TIGD7: variants seen among roughly 807,000 people sequenced by gnomAD.
TIGD7 encodes tigger transposable element derived 7.
A neutral mutation model predicts 24.8 loss-of-function variants in TIGD7; 26 were observed. The observed-to-expected ratio is 1.05, with a 90% CI of 0.77 to 1.45. The LOEUF (loss-of-function observed/expected upper bound fraction) is 1.45, where lower values mean the gene tolerates loss of function less well. Among genes scored for constraint, TIGD7 ranks in the 40% most tolerant of loss-of-function variants. The pLI is 0.00. For missense variants in TIGD7, 679 were observed against 641.6 expected (o/e 1.06, Z -0.63); for synonymous variants, 221 against 224.1 (o/e 0.99, Z 0.12).
rs1379575937 is a variant in TIGD7, at chr16:3,301,550, C to CT, written c.-937dup. ...TGCTATTTTTCACTGAAACTGTTCT[C>CT]TATTTGAGATATTATCAAGTTTCAG... On this transcript the variant is annotated 5_prime_UTR_variant, in exon 2 of 2. Coordinates refer to ENST00000396862, the MANE Select transcript of TIGD7 (RefSeq NM_033208.4). The CT allele has an allele frequency of 1.8e-5, 3 of 166,944 alleles. No individual in the cohort carries two copies. Among genetic ancestry groups the CT allele is most frequent in the African/African-American group, 7.2e-5 (3 of 41,440 alleles). The allele number at this position is 166,944 out of a possible 1,614,324, so 10.3% of individuals were successfully genotyped here.
chr16:3,304,120 G>A (rs1344314144), intron 1 of TIGD7, among the ~76,000 whole-genome samples: 2 of 152,140 alleles, frequency 1.3e-5, no homozygotes, highest in East Asian at 1.9e-4. Context: ...ACAGGCGTAA[G>A]CCACCGCGCC....
At chr16:3,305,113 C>G (rs1960095468) in intron 1 of TIGD7, 99 bp downstream of exon 1, 1 of 152,262 alleles carries the variant, frequency 6.6e-6, no homozygotes. Flanking sequence ...GCCTCTTCCT[C>G]GAGGAGGCGG....
intron 1 of TIGD7, among the ~76,000 whole-genome samples, chr16:3,302,332 T>C (rs964908566): frequency 1.3e-5 from 2 of 152,222 alleles, no homozygotes; most frequent in East Asian, 3.9e-4. Flanking sequence ...TTCACTATGT[T>C]GGCCAGGCTG....
rs767495192 is a variant in TIGD7, at chr16:3,300,398, T to C, written c.217A>G (p.Thr73Ala). The part of the protein sequence containing the change: ...LVGAEKRKRT[T>A]GAKYGDVDDA... ...TCTACATCACCATATTTGGCTCCCG[T>C]TGTCCTCTTTCTCTTCTCAGCCCCT... is the stretch of plus-strand genomic sequence containing the variant. The change falls in exon 2 of 2, where the codon ACG becomes GCG. Residue 73 changes from threonine to alanine, a missense_variant. Physicochemically the swap from Thr to Ala is moderately conservative, Grantham distance 58. Coordinates refer to ENST00000396862, the MANE Select transcript of TIGD7 (RefSeq NM_033208.4). 9 of 1,614,222 alleles carry C rather than the reference T, an allele frequency of 5.6e-6. No individual in the cohort carries two copies. Among genetic ancestry groups the C allele is most frequent in the Middle Eastern group, 1.6e-4 (1 of 6,062 alleles).
rs745958959 is a variant in TIGD7 at position 3,300,048 on chromosome 16, T to C, written c.567A>G (p.Glu189=). 3.1e-6 allele frequency: 5 copies of C among 1,614,210 alleles called. No individual in the cohort carries two copies. Among genetic ancestry groups the C allele is most frequent in the South Asian group, 1.1e-5 (1 of 91,078 alleles). ...ETDLFWKSMP[E]NSQASRKDIC... ...TATCTTTCCTACTTGCCTGAGAATT[T>C]TCTGGCATTGACTTCCAAAAGAGGT... The change falls in exon 2 of 2, where the codon GAA becomes GAG. Residue 189 remains glutamate, a synonymous_variant. Coordinates refer to ENST00000396862, the MANE Select transcript of TIGD7 (RefSeq NM_033208.4).
intron 1 of TIGD7, among the ~76,000 whole-genome samples, chr16:3,303,601 A>C (rs1960003411): frequency 6.6e-6 from 1 of 152,206 alleles, no homozygotes; most frequent in Admixed American, 6.5e-5. Flanking sequence ...CAAGTGACTT[A>C]GGCAGATGCT....
At position 3,300,213 on chromosome 16, in the gene TIGD7, T is replaced by A. The variant is rs1387199200; in HGVS notation, c.402A>T (p.Ala134=). The A allele has an allele frequency of 6.2e-7, 1 of 1,614,228 alleles. No homozygotes were observed. Reference sequence around the variant, plus strand: ...CCCCACATCCTTTTCGGTTCCCAATTGCATGCCGATTTCGAAATCTAAAAA... The same window carrying A: ...CCCCACATCCTTTTCGGTTCCCAATAGCATGCCGATTTCGAAATCTAAAAA... ...GWLFRFRNRH[A]IGNRKGCGEQ... The change falls in exon 2 of 2, where the codon GCA becomes GCT. Residue 134 remains alanine (A), a synonymous_variant. Coordinates refer to ENST00000396862, the MANE Select transcript of TIGD7 (RefSeq NM_033208.4).
Position 3,304,665 on chromosome 16 carries a change from C to G in TIGD7, c.-1396+547G>C, listed in dbSNP as rs530523433. 5 of 152,352 alleles carry G rather than the reference C, an allele frequency of 3.3e-5. No individual in the cohort carries two copies. The South Asian group carries it at 1.0e-3, about 32-fold the overall frequency. The allele number at this position is 152,352 out of a possible 1,614,324, so 9.4% of individuals were successfully genotyped here. On this transcript the variant is annotated intron_variant, in intron 1 of 1. Transcript: ENST00000396862. ...TAATCCCTCAACTGGTACAGACTGACATTACAAAAACGGATTAATTCAGAG... is the reference window on the plus strand; with the variant it reads ...TAATCCCTCAACTGGTACAGACTGAGATTACAAAAACGGATTAATTCAGAG...
Position 3,300,850 on chromosome 16 carries a change from G to C in TIGD7, c.-236C>G, listed in dbSNP as rs1202949529. ...AGTTGCAAAGTCCTGTCTGGCTCTT[G>C]CTCCTGCAAGCCATGAGTGATCATT... On this transcript the variant is annotated 5_prime_UTR_variant, in exon 2 of 2. Transcript: ENST00000396862. 2.0e-6 allele frequency: 1 copy of C among 499,026 alleles called. No homozygotes were observed. Among genetic ancestry groups the C allele is most frequent in the East Asian group, 3.9e-5 (1 of 25,904 alleles). The allele number at this position is 499,026 out of a possible 1,614,324, so 30.9% of individuals were successfully genotyped here.
At position 3,299,628 on chromosome 16, in the gene TIGD7, T is replaced by C; in HGVS notation, c.987A>G (p.Pro329=). 6.4e-7 allele frequency: 1 copy of C among 1,564,496 alleles called. No homozygotes were observed. ...FPHNTSTLIQ[P]MNQGVILSCK... is the part of the protein sequence containing the mutation. ...AGCTCAAGATCACACCTTGATTCAT[T>C]GGTTGAATCAAGGTTGAAGTGTTAT... is the stretch of plus-strand genomic sequence containing the variant. The change falls in exon 2 of 2, where the codon CCA becomes CCG. Residue 329 remains proline (P), a synonymous_variant. Coordinates refer to ENST00000396862, the MANE Select transcript of TIGD7 (RefSeq NM_033208.4).
chr16:3,302,389 G>C (rs1175715521), intron 1 of TIGD7, among the ~76,000 whole-genome samples: 2 of 152,092 alleles, frequency 1.3e-5, no homozygotes, highest in African/African-American at 4.8e-5. Flanking sequence ...GCCTCCCAAA[G>C]TGCTGGGATT....
At chr16:3,304,591 C>T (rs914124458) in intron 1 of TIGD7, among the ~76,000 whole-genome samples, 1 of 152,176 alleles carries the variant, frequency 6.6e-6, no homozygotes, top group African/African-American at 2.4e-5. Context: ...TATAAGCTGA[C>T]GTTACAAAAA....
In TIGD7 at chr16:3,300,289, C is replaced by A. The variant is rs144795499; in HGVS notation, c.326G>T (p.Arg109Ile). 11 of 1,614,116 alleles carry A rather than the reference C, an allele frequency of 6.8e-6. No individual in the cohort carries two copies. The African/African-American group carries it at 1.1e-4, about 16-fold the overall frequency. Reference sequence around the variant, plus strand: ...TGTTCGCCCAAAACACCGTGCAAATCTCTCTGCAGCAGCCTGAAGCTCCAC... The same window carrying A: ...TGTTCGCCCAAAACACCGTGCAAATATCTCTGCAGCAGCCTGAAGCTCCAC... ...RGVELQAAAE[R>I]FARCFGRTDF... Residue 109 changes from arginine (R) to isoleucine (I), a missense_variant, in exon 2 of 2, where the codon AGA (arginine) becomes ATA (isoleucine). By Grantham distance (97) the Arg-to-Ile change is moderately conservative. Coordinates refer to ENST00000396862, the MANE Select transcript of TIGD7 (RefSeq NM_033208.4).
Position 3,299,610 on chromosome 16 carries a change from GATCACACCTTGATTC to G in TIGD7, c.990_1004del (p.Met330_Val334del). ...ATCTATACAGCCGTTTGCAGCTCAA[GATCACACCTTGATTC>G]ATTGGTTGAATCAAGGTTGAAGTGT... On this transcript the variant is annotated inframe_deletion, in exon 2 of 2. Coordinates refer to ENST00000396862, the MANE Select transcript of TIGD7 (RefSeq NM_033208.4). 1 of 1,561,472 alleles carries G rather than the reference GATCACACCTTGATTC, an allele frequency of 6.4e-7. No homozygotes were observed. The highest frequency in any genetic ancestry group is 8.6e-7 in the Non-Finnish European group (1 of 1,160,460).
At position 3,300,332 on chromosome 16, in the gene TIGD7, C is replaced by G. The variant is rs200010202; in HGVS notation, c.283G>C (p.Gly95Arg). The G allele has an allele frequency of 1.2e-6, 2 of 1,614,238 alleles. No homozygotes were observed. Among genetic ancestry groups the G allele is most frequent in the Non-Finnish European group, 1.7e-6 (2 of 1,180,044 alleles). The change falls in exon 2 of 2, where the codon GGT (glycine) becomes CGT (arginine). Residue 95 changes from glycine (G) to arginine (R), a missense_variant. Gly to Arg is a moderately radical substitution (Grantham distance 125). Transcript: ENST00000396862. ...YMWYQQKRSA[G>R]VPVRGVELQA... Reference sequence around the variant, plus strand: ...AGCTCCACGCCTCTTACCGGAACACCGGCTGAGCGTTTCTGTTGGTACCAC... The same window carrying G: ...AGCTCCACGCCTCTTACCGGAACACGGGCTGAGCGTTTCTGTTGGTACCAC...
intron 1 of TIGD7, among the ~76,000 whole-genome samples, chr16:3,302,529 A>G (rs1290117609): frequency 1.3e-5 from 2 of 152,186 alleles, no homozygotes; most frequent in African/African-American, 2.4e-5. Context: ...GTTATAGAGC[A>G]TGGAGAAGAT....
Position 3,299,669 on chromosome 16 carries a change from A to C in TIGD7, c.946T>G (p.Cys316Gly). The change falls in exon 2 of 2, where the codon TGT becomes GGT. Residue 316 changes from cysteine to glycine, a missense_variant. Coordinates refer to ENST00000396862, the MANE Select transcript of TIGD7 (RefSeq NM_033208.4). ...GAAGTGTTATGGGGGAAGAACATAC[A>C]TTTTATTCGACCATCCTCACTGGTT... is the stretch of plus-strand genomic sequence containing the variant. The part of the protein sequence containing the change: ...SLTSEDGRIK[C>G]MFFPHNTSTL... 1 of 1,548,188 alleles carries C rather than the reference A, an allele frequency of 6.5e-7. No homozygotes were observed. Among genetic ancestry groups the C allele is most frequent in the Non-Finnish European group, 8.7e-7 (1 of 1,154,406 alleles).
chr16:3,301,293 T>A lies in TIGD7; in HGVS notation c.-679A>T, dbSNP rs1959933495. ...CATTGGGATGTATGGAGAGTTGGAA[T>A]TCAGGAACAGTTGTACCGAATCTTG... is the stretch of plus-strand genomic sequence containing the variant. On this transcript the variant is annotated 5_prime_UTR_variant, in exon 2 of 2. Transcript: ENST00000396862. 1 of 167,138 alleles carries A rather than the reference T, an allele frequency of 6.0e-6. No individual in the cohort carries two copies. Among genetic ancestry groups the A allele is most frequent in the Admixed American group, 6.5e-5 (1 of 15,288 alleles). The allele number at this position is 167,138 out of a possible 1,614,324, so 10.4% of individuals were successfully genotyped here.
rs972835987 is a variant in TIGD7, at chr16:3,305,258, C to G, written c.-1442G>C. 6 of 152,314 alleles carry G rather than the reference C, an allele frequency of 3.9e-5. No homozygotes were observed. The highest frequency in any genetic ancestry group is 1.4e-4 in the African/African-American group (6 of 41,478). The allele number at this position is 152,314 out of a possible 1,614,324, so 9.4% of individuals were successfully genotyped here. ...AACGCCGCCCGACAGCCACGCAGAACAGACGCGGCAGTGCGACGCCTCCCC... is the reference window on the plus strand; with the variant it reads ...AACGCCGCCCGACAGCCACGCAGAAGAGACGCGGCAGTGCGACGCCTCCCC... On this transcript the variant is annotated 5_prime_UTR_variant, in exon 1 of 2. Transcript: ENST00000396862.
Sources: gnomAD v4.1 joint callset for allele counts (sites outside exome capture counted in the v4.1 genomes callset) on GRCh38, gnomAD v4.1.1 for gene constraint, MANE v1.5 for transcripts, NCBI Gene and HGNC (gene_info 2026-07-23, HGNC 2026-07-21) for gene names.